The following RDX variants were observed in gnomAD, a reference collection of about 807,000 sequenced individuals.
The protein encoded by RDX is radixin.
In RDX, 32 loss-of-function variants were observed where a neutral mutation model predicts 83.7. The observed-to-expected ratio is 0.38, with a 90% CI of 0.29 to 0.51. RDX has a LOEUF of 0.51. RDX is among the 20% of genes least tolerant of loss of function. RDX has a pLI of 0.87. For missense variants in RDX, 600 were observed against 689.9 expected (o/e 0.87, Z 1.46); for synonymous variants, 229 against 222.7 (o/e 1.03, Z -0.25).
chr11:110,197,767 C>T lies in RDX; in HGVS notation c.*31+1814G>A, dbSNP rs185414049. On this transcript the variant is annotated intron_variant, in intron 15 of 15. Transcript: ENST00000528498. ...AAATAGCTAAGAAGAGTATTGTTTG[C>T]GGCAATCTATGGCACATTAAGAATG... is the stretch of plus-strand genomic sequence containing the variant. 4.0e-3 allele frequency among the ~76,000 whole-genome samples: 606 copies of T among 152,256 alleles called. 5 individuals carry two copies. Among genetic ancestry groups the T allele is most frequent in the Non-Finnish European group, 6.4e-3 (433 of 68,036 alleles).
intron 5 of RDX, among the ~76,000 whole-genome samples, chr11:110,258,977 T>G (rs1213099957): frequency 6.6e-6 from 1 of 151,202 alleles, no homozygotes; most frequent in Non-Finnish European, 1.5e-5. Flanking sequence ...GTTCAAGTGA[T>G]TCTCCTGTCT....
chr11:110,272,023 T>C (rs1295096122), intron 3 of RDX, among the ~76,000 whole-genome samples: 1 of 152,224 alleles, frequency 6.6e-6, no homozygotes, highest in Non-Finnish European at 1.5e-5. Context: ...CCTATGTGTA[T>C]AAGTTGTACA....
At chr11:110,289,485 C>T (rs1041962887) in intron 1 of RDX, among the ~76,000 whole-genome samples, 3 of 152,058 alleles carry the variant, frequency 2.0e-5, no homozygotes, top group African/African-American at 7.2e-5. Context: ...TATAGTTTTT[C>T]TAAGTCTAGA....
chr11:110,295,912 C>T (rs1198328649), intron 1 of RDX, among the ~76,000 whole-genome samples: 1 of 152,220 alleles, frequency 6.6e-6, no homozygotes, highest in African/African-American at 2.4e-5. Context: ...GCCTGTCATG[C>T]AACATCCCCT....
chr11:110,195,433 TTCTC>T (rs1863184034), intron 15 of RDX: 1 of 152,214 alleles, frequency 6.6e-6, no homozygotes, highest in African/African-American at 2.4e-5. Context: ...TCAACCCTCT[TTCTC>T]CAAACACTGG....
intron 2 of RDX, among the ~76,000 whole-genome samples, chr11:110,277,228 A>G (rs1377860305): frequency 6.6e-6 from 1 of 152,214 alleles, no homozygotes; most frequent in East Asian, 1.9e-4. Flanking sequence ...GTAGCTGTAA[A>G]CGTTCACATT....
Position 110,264,178 on chromosome 11 carries a change from T to A in RDX, c.249A>T (p.Lys83Asn). The stretch of plus-strand genomic sequence containing the variant: ...CCTCAGAAACATCTTCAGGAAAGAA[T>A]TTAGCTCTAAACTTGAACTGTAAAG... ...ENPLQFKFRA[K>N]FFPEDVSEEL... The change falls in exon 5 of 14, where the codon AAA becomes AAT. Residue 83 changes from lysine to asparagine, a missense_variant. Lys to Asn is a moderately conservative substitution (Grantham distance 94). Transcript: ENST00000645495. 6.2e-7 allele frequency: 1 copy of A among 1,611,586 alleles called. No individual in the cohort carries two copies. Among genetic ancestry groups the A allele is most frequent in the Non-Finnish European group, 8.5e-7 (1 of 1,177,846 alleles).
At chr11:110,232,070 TC>T in intron 13 of RDX, 37 bp from the exon 14 acceptor site, 1 of 1,532,214 alleles carries the variant, frequency 6.5e-7, no homozygotes. Flanking sequence ...ATTATTTTTT[TC>T]TTAGATTTAA....
rs569917076 is a variant in RDX, at chr11:110,258,064, T to C, written c.551+42A>G. The C allele has an allele frequency of 4.1e-5, 62 of 1,514,968 alleles. No individual in the cohort carries two copies. The Admixed American group carries it at 9.6e-4, about 23-fold the overall frequency. 93.8% of individuals were successfully genotyped at this position (1,514,968 alleles called of 1,614,324 possible). ...ATAAATGTTACGACATGAAAATACTTTGAAGGAAAAAAGAAAACATAGAAA... is the reference window on the plus strand; with the variant it reads ...ATAAATGTTACGACATGAAAATACTCTGAAGGAAAAAAGAAAACATAGAAA... On this transcript the variant is annotated intron_variant, in intron 6 of 13. Transcript: ENST00000645495.
At chr11:110,179,137 C>T (rs536540532) in intron 15 of RDX, among the ~76,000 whole-genome samples, 5 of 152,328 alleles carry the variant, frequency 3.3e-5, no homozygotes, top group Admixed American at 1.3e-4. Flanking sequence ...CAGGAGAACT[C>T]ATCCAAGGTC....
In RDX at chr11:110,238,934, A is replaced by AG. The variant is rs1197404774; in HGVS notation, c.1091-1283_1091-1282insC. ...AGCAAGACTCTGTCTCAAAAAAAAAAAAAAAAAACAAAAAAAACACTTGGA... is the reference window on the plus strand; with the variant it reads ...AGCAAGACTCTGTCTCAAAAAAAAAAGAAAAAAAACAAAAAAAACACTTGGA... On this transcript the variant is annotated intron_variant, in intron 10 of 13. Transcript: ENST00000645495. 7.0e-3 allele frequency among the ~76,000 whole-genome samples: 925 copies of AG among 131,240 alleles called. 9 individuals are homozygous for AG. Among genetic ancestry groups the AG allele is most frequent in the African/African-American group, 0.026 (879 of 33,954 alleles). 86.1% of individuals were successfully genotyped at this position (131,240 alleles called of 152,430 possible).
intron 14 of RDX, among the ~76,000 whole-genome samples, chr11:110,207,119 G>A (rs1319938968): frequency 6.6e-6 from 1 of 152,064 alleles, no homozygotes; most frequent in Non-Finnish European, 1.5e-5. Context: ...GATTACAGGT[G>A]TGCACTACCA....
At position 110,274,585 on chromosome 11, in the gene RDX, G is replaced by A. The variant is rs562262433; in HGVS notation, c.13-1966C>T. Among the ~76,000 whole-genome samples the A allele has an allele frequency of 1.1e-3, 168 of 152,192 alleles. 1 individual carries two copies. Among genetic ancestry groups the A allele is most frequent in the Non-Finnish European group, 1.6e-3 (111 of 68,018 alleles). ...CAGCTCACCGCAGCCTCAACCTCCC[G>A]GGCTCAAGCGATCCTACCGCCTCAG... On this transcript the variant is annotated intron_variant, in intron 2 of 13. Coordinates refer to ENST00000645495, the MANE Select transcript of RDX (RefSeq NM_002906.4).
chr11:110,219,186 T>A (rs1591520370), intron 14 of RDX, among the ~76,000 whole-genome samples: 1 of 152,098 alleles, frequency 6.6e-6, no homozygotes, highest in African/African-American at 2.4e-5. Context: ...AGGGAGTGAA[T>A]CATAACAATA....
rs1194223631 is a variant in RDX at position 110,272,480 on chromosome 11, T to C, written c.96+56A>G. On this transcript the variant is annotated intron_variant, in intron 3 of 13. Coordinates refer to ENST00000645495, the MANE Select transcript of RDX (RefSeq NM_002906.4). Reference sequence around the variant, plus strand: ...GTACAGAAAAACAGAGAAAGAGGTATGCAACAACATTCACACTATGGTGTC... The same window carrying C: ...GTACAGAAAAACAGAGAAAGAGGTACGCAACAACATTCACACTATGGTGTC... 6.3e-6 allele frequency: 7 copies of C among 1,107,690 alleles called. No homozygotes were observed. In the South Asian group the frequency reaches 7.7e-5, roughly 12 times the overall value. The allele number at this position is 1,107,690 out of a possible 1,614,324, so 68.6% of individuals were successfully genotyped here. A position where few individuals can be genotyped will look rare whatever the true frequency, so the allele number is the denominator to read the frequency against.
intron 14 of RDX, among the ~76,000 whole-genome samples, chr11:110,202,249 C>T (rs1863436846): frequency 1.3e-5 from 2 of 151,776 alleles, no homozygotes; most frequent in Non-Finnish European, 2.9e-5. Context: ...ACAAAAATTA[C>T]CCGAGCGTGG....
chr11:110,217,658 T>C (rs979896839), intron 14 of RDX, among the ~76,000 whole-genome samples: 1 of 152,182 alleles, frequency 6.6e-6, no homozygotes, highest in Non-Finnish European at 1.5e-5. Context: ...TAAAGCATGA[T>C]AGATTCTGAA....
chr11:110,184,137 G>T (rs914985192), intron 15 of RDX, among the ~76,000 whole-genome samples: 1 of 152,212 alleles, frequency 6.6e-6, no homozygotes. Flanking sequence ...AGGGCAGAGG[G>T]GATGATAGAA....
chr11:110,293,194 T>C (rs900703970), intron 1 of RDX, among the ~76,000 whole-genome samples: 1 of 152,306 alleles, frequency 6.6e-6, no homozygotes, highest in Admixed American at 6.5e-5. Context: ...ATAAGGGATA[T>C]AAAGTATATG....
Sources: gnomAD v4.1 joint callset for allele counts (sites outside exome capture counted in the v4.1 genomes callset) on GRCh38, gnomAD v4.1.1 for gene constraint, MANE v1.5 for transcripts, NCBI Gene and HGNC (gene_info 2026-07-23, HGNC 2026-07-21) for gene names.